SAMSN1: variants seen among roughly 807,000 people sequenced by gnomAD.
The protein encoded by SAMSN1 is SAM domain-containing protein SAMSN-1.
In SAMSN1, 31 loss-of-function variants were observed where a neutral mutation model predicts 42.0. The observed-to-expected ratio is 0.74, with a 90% CI of 0.55 to 1.00. The LOEUF is 1.00. SAMSN1 is among the 50% of genes least tolerant of loss of function. SAMSN1 has a pLI of 0.00. For synonymous variants in SAMSN1, 178 were observed against 151.9 expected, an observed-to-expected ratio of 1.17 and a Z score of -1.26; for missense variants, 464 against 439.4, an observed-to-expected ratio of 1.06 and a Z score of -0.50.
At chr21:14,650,655 A>G (rs1051403800) in intron 1 of SAMSN1, among the ~76,000 whole-genome samples, 4 of 152,070 alleles carry the variant, frequency 2.6e-5, no homozygotes, top group Non-Finnish European at 5.9e-5. Flanking sequence ...CAAACCCCAA[A>G]TTAGTAGAAG....
chr21:14,536,584 G>C (rs1450891381), intron 1 of SAMSN1, among the ~76,000 whole-genome samples: 1 of 152,194 alleles, frequency 6.6e-6, no homozygotes, highest in African/African-American at 2.4e-5. Context: ...AAGCTAAAAT[G>C]TATTAGTGCT....
In SAMSN1 at chr21:14,517,028, T is replaced by A; in HGVS notation, c.143A>T (p.Asp48Val). The A allele has an allele frequency of 6.2e-7, 1 of 1,611,604 alleles. No individual in the cohort carries two copies. Among genetic ancestry groups the A allele is most frequent in the Non-Finnish European group, 8.5e-7 (1 of 1,179,138 alleles). ...TTGTTCTCCACTTCCATTTGTGGGA[T>A]CTCCTTCATGTGCCTAGTTTAGAAT... ...PDDSTEAHEG[D>V]PTNGSGEQSK... Residue 48 changes from aspartate to valine, a missense_variant, in exon 3 of 8, where the codon GAT becomes GTT. Physicochemically the swap from Asp to Val is radical, Grantham distance 152. Coordinates refer to ENST00000400566, the MANE Select transcript of SAMSN1 (RefSeq NM_022136.5).
chr21:14,512,832 G>C (rs1453190804), intron 3 of SAMSN1, among the ~76,000 whole-genome samples: 1 of 152,076 alleles, frequency 6.6e-6, no homozygotes, highest in East Asian at 1.9e-4. Context: ...AAACTAGGAT[G>C]AATATCATAT....
chr21:14,592,524 C>T (rs1982117878), intron 7 of SAMSN1: 1 of 223,546 alleles, frequency 4.5e-6, no homozygotes, highest in Non-Finnish European at 1.0e-5. Flanking sequence ...TGCACTTCAG[C>T]CCTTCATCTT....
At chr21:14,491,021 C>T (rs1986662374) in intron 7 of SAMSN1, among the ~76,000 whole-genome samples, 1 of 152,208 alleles carries the variant, frequency 6.6e-6, no homozygotes, top group South Asian at 2.1e-4. Context: ...TTACCCTCCT[C>T]AGTTAAAGTT....
chr21:14,625,316 T>C (rs1014200225), intron 2 of SAMSN1, among the ~76,000 whole-genome samples: 2 of 152,006 alleles, frequency 1.3e-5, no homozygotes, highest in African/African-American at 4.8e-5. Flanking sequence ...GGTATTCAAT[T>C]AGGAAAAGAG....
chr21:14,607,921 G>C (rs1982606554), intron 5 of SAMSN1, among the ~76,000 whole-genome samples: 2 of 152,122 alleles, frequency 1.3e-5, no homozygotes, highest in South Asian at 4.1e-4. Flanking sequence ...TAGATAAATG[G>C]AATGGCGGAT....
upstream of SAMSN1, among the ~76,000 whole-genome samples, chr21:14,587,283 C>T (rs906522763): frequency 1.3e-5 from 2 of 152,116 alleles, no homozygotes; most frequent in South Asian, 2.1e-4. Flanking sequence ...ACTTCTCATC[C>T]TTTTAATCTA....
At chr21:14,557,941 G>T (rs530241627) in intron 2 of SAMSN1, among the ~76,000 whole-genome samples, 1 of 152,110 alleles carries the variant, frequency 6.6e-6, no homozygotes, top group South Asian at 2.1e-4. Flanking sequence ...CCACCTGTCC[G>T]TGGAGGTCCT....
intron 1 of SAMSN1, chr21:14,582,496 A>G: frequency 1.1e-6 from 1 of 948,488 alleles, no homozygotes; most frequent in Non-Finnish European, 1.6e-6. Context: ...CTTCTGAATG[A>G]CAAAGAAATA....
At chr21:14,550,849 A>G (rs910038496), upstream of SAMSN1, among the ~76,000 whole-genome samples, 7 of 152,160 alleles carry the variant, frequency 4.6e-5, no homozygotes, top group Non-Finnish European at 1.0e-4. Flanking sequence ...AGACAAGATA[A>G]TCTATTGCAT....
At chr21:14,627,765 CA>C (rs900885051) in intron 2 of SAMSN1, among the ~76,000 whole-genome samples, 16 of 151,668 alleles carry the variant, frequency 1.1e-4, no homozygotes, top group African/African-American at 3.4e-4. Context: ...AAATCAAAAA[CA>C]AAAAAAAGTA....
rs555949793 is a variant in SAMSN1 at position 14,541,251 on chromosome 21, C to T, written c.57+4954G>A. 3.3e-5 allele frequency among the ~76,000 whole-genome samples: 5 copies of T among 151,372 alleles called. No individual in the cohort carries two copies. In the East Asian group the frequency reaches 9.7e-4, roughly 29 times the overall value. ...CATATGTAACAAACCTGCACATGTACCCTAGAACTTAAAGTATAATAATGG... is the reference window on the plus strand; with the variant it reads ...CATATGTAACAAACCTGCACATGTATCCTAGAACTTAAAGTATAATAATGG... On this transcript the variant is annotated intron_variant, in intron 1 of 7. Coordinates refer to ENST00000400566, the MANE Select transcript of SAMSN1 (RefSeq NM_022136.5).
intron 1 of SAMSN1, chr21:14,643,235 A>G (rs1024339080): frequency 1.6e-6 from 1 of 629,802 alleles, no homozygotes; most frequent in African/African-American, 1.8e-5. Context: ...CTTTATTTAA[A>G]TTATCCTGGG....
intron 2 of SAMSN1, among the ~76,000 whole-genome samples, chr21:14,558,361 G>T (rs1030255239): frequency 6.6e-6 from 1 of 151,822 alleles, no homozygotes; most frequent in Non-Finnish European, 1.5e-5. Context: ...TTGGAAACAC[G>T]CATGCTACGA....
chr21:14,527,799 A>G lies in SAMSN1; in HGVS notation c.58-6578T>C, dbSNP rs146059850. On this transcript the variant is annotated intron_variant, in intron 1 of 7. Transcript: ENST00000400566. ...AAAAAAAAAATGCAGAATGATCCAT[A>G]ACCTCTAAAAGTGGTTATTCATACC... Among the ~76,000 whole-genome samples the G allele has an allele frequency of 6.8e-4, 102 of 150,808 alleles. 3 individuals are homozygous for G. The East Asian group carries it at 0.018, about 26-fold the overall frequency.
chr21:14,622,529 A>T (rs548344486), intron 2 of SAMSN1, among the ~76,000 whole-genome samples: 41 of 152,360 alleles, frequency 2.7e-4, no homozygotes, highest in Admixed American at 2.7e-3. Flanking sequence ...TCAGTGATTG[A>T]AGATCAAATG....
chr21:14,572,004 C>T (rs894576374), intron 2 of SAMSN1, among the ~76,000 whole-genome samples: 1 of 118,170 alleles, frequency 8.5e-6, no homozygotes, highest in Non-Finnish European at 1.6e-5. Context: ...AACATTTTCT[C>T]GTGTAATACA....
intron 3 of SAMSN1, among the ~76,000 whole-genome samples, chr21:14,513,846 C>T (rs1399327105): frequency 6.6e-6 from 1 of 152,152 alleles, no homozygotes; most frequent in East Asian, 1.9e-4. Context: ...GGGAAAACAG[C>T]AAGGCTAATG....
Sources: allele counts gnomAD v4.1 joint callset (sites outside exome capture counted in the v4.1 genomes callset), GRCh38; gene constraint gnomAD v4.1.1; transcripts MANE v1.5; gene names NCBI Gene and HGNC (gene_info 2026-07-23, HGNC 2026-07-21).